Variants in NRG1 observed in about 807,000 individuals in gnomAD.
NRG1 encodes pro-neuregulin-1, membrane-bound isoform.
NRG1 carries 18 observed loss-of-function variants against 63.8 expected under a neutral mutation model. That is an observed-to-expected ratio of 0.28 (90% CI 0.19 to 0.42). The LOEUF (loss-of-function observed/expected upper bound fraction) is 0.42, where lower values mean the gene tolerates loss of function less well. Among genes scored for constraint, NRG1 ranks in the 10% least tolerant of loss-of-function variants. The pLI is 1.00. For missense variants in NRG1, 762 were observed against 814.7 expected (o/e 0.94, Z 0.79); for synonymous variants, 302 against 301.3 (o/e 1.00, Z -0.02).
chr8:31,938,779 C>G (rs1011822169), intron 1 of NRG1, among the ~76,000 whole-genome samples: 1 of 152,162 alleles, frequency 6.6e-6, no homozygotes, highest in Admixed American at 6.5e-5. Flanking sequence ...TGGAAAGTCT[C>G]AGCCATAGAA....
At chr8:31,771,759 G>C (rs1818648457) in intron 1 of NRG1, among the ~76,000 whole-genome samples, 1 of 152,166 alleles carries the variant, frequency 6.6e-6, no homozygotes, top group South Asian at 2.1e-4. Context: ...GAGTGCCAGA[G>C]CCAATCTTCT....
intron 1 of NRG1, chr8:32,063,465 A>C (rs1563742118): frequency 6.6e-6 from 1 of 152,162 alleles, no homozygotes; most frequent in Non-Finnish European, 1.5e-5. Context: ...GTGTGAATGA[A>C]AGTGGGGAGA....
chr8:31,704,610 A>C (rs1446662942), intron 1 of NRG1, among the ~76,000 whole-genome samples: 3 of 152,076 alleles, frequency 2.0e-5, no homozygotes, highest in African/African-American at 7.2e-5. Flanking sequence ...AGGCAGGCGG[A>C]TCATGAGGTC....
intron 5 of NRG1, chr8:32,646,894 T>G (rs79889381): frequency 7.2e-6 from 7 of 975,238 alleles, no homozygotes; most frequent in Middle Eastern, 5.3e-4. Flanking sequence ...GGAGTGGGGG[T>G]TGGGAGAGGG....
At chr8:32,516,587 T>C (rs1039371667) in intron 1 of NRG1, among the ~76,000 whole-genome samples, 1 of 152,216 alleles carries the variant, frequency 6.6e-6, no homozygotes, top group Non-Finnish European at 1.5e-5. Flanking sequence ...TTTGCTTGTG[T>C]CATCTGTTTG....
Position 32,012,709 on chromosome 8 carries a change from A to G in NRG1, c.37+373278A>G, listed in dbSNP as rs377454997. Among the ~76,000 whole-genome samples the G allele has an allele frequency of 8.3e-4, 127 of 152,266 alleles. 1 individual carries two copies. The highest frequency in any genetic ancestry group is 2.8e-3 in the African/African-American group (117 of 41,568). Reference sequence around the variant, plus strand: ...TGGAAAATTGGACTAAAAAAGAACCATACTTCAGAGTTGTTAACAGGATTA... The same window carrying G: ...TGGAAAATTGGACTAAAAAAGAACCGTACTTCAGAGTTGTTAACAGGATTA... On this transcript the variant is annotated intron_variant, in intron 1 of 10. Coordinates refer to the NRG1 transcript ENST00000519301.
rs571680988 is a variant in NRG1, at chr8:31,672,109, C to T, written c.37+32678C>T. The stretch of plus-strand genomic sequence containing the variant: ...CAGTTGTCAGTGTGAGAAATGTTTC[C>T]TATCTAGGTGTTTTTTCCTCCCTGT... On this transcript the variant is annotated intron_variant, in intron 1 of 10. Transcript: ENST00000519301. Among the ~76,000 whole-genome samples, 95 of 152,162 alleles carry T rather than the reference C, an allele frequency of 6.2e-4. 1 individual carries two copies. The highest frequency in any genetic ancestry group is 2.2e-3 in the African/African-American group (91 of 41,546).
intron 1 of NRG1, among the ~76,000 whole-genome samples, chr8:31,912,643 G>A (rs975202322): frequency 1.4e-5 from 2 of 143,208 alleles, no homozygotes; most frequent in African/African-American, 5.2e-5. Flanking sequence ...TTCAGGAGAT[G>A]TTCTTTGTAG....
At chr8:32,009,481 G>A (rs1814377722) in intron 1 of NRG1, among the ~76,000 whole-genome samples, 1 of 151,812 alleles carries the variant, frequency 6.6e-6, no homozygotes, top group South Asian at 2.1e-4. Flanking sequence ...TTCTAGTTGG[G>A]GGAGACATAA....
intron 1 of NRG1, among the ~76,000 whole-genome samples, chr8:32,486,627 A>AATTTTTTTTTTTTTTTT (rs71208187): frequency 6.9e-6 from 1 of 145,518 alleles, no homozygotes. Flanking sequence ...GAATTGCTGG[A>AATTTTTTTTTTTTTTTT]TTTTTTTTTT....
rs140760625 is a variant in NRG1, at chr8:32,380,575, C to G, written c.38-215253C>G. Among the ~76,000 whole-genome samples, 54 of 152,214 alleles carry G rather than the reference C, an allele frequency of 3.5e-4. 1 individual carries two copies. The East Asian group carries it at 9.3e-3, about 26-fold the overall frequency. On this transcript the variant is annotated intron_variant, in intron 1 of 10. Coordinates refer to the NRG1 transcript ENST00000519301. Reference sequence around the variant, plus strand: ...TAATAAAACAGAGTCCTAGATTTCTCTCCTCCAATCCTGGTCCACCTCCCC... The same window carrying G: ...TAATAAAACAGAGTCCTAGATTTCTGTCCTCCAATCCTGGTCCACCTCCCC...
At chr8:32,740,007 T>C (rs1269396085) in intron 6 of NRG1, among the ~76,000 whole-genome samples, 1 of 152,182 alleles carries the variant, frequency 6.6e-6, no homozygotes, top group African/African-American at 2.4e-5. Flanking sequence ...GGTTTGTCTA[T>C]ATGAACTTAT....
At chr8:31,999,522 T>C (rs1451536913) in intron 1 of NRG1, among the ~76,000 whole-genome samples, 1 of 151,980 alleles carries the variant, frequency 6.6e-6, no homozygotes, top group Admixed American at 6.6e-5. Context: ...GCATTCACCC[T>C]CGCGGAATTT....
At chr8:31,670,571 GTT>G (rs35693427) in intron 1 of NRG1, among the ~76,000 whole-genome samples, 1 of 146,164 alleles carries the variant, frequency 6.8e-6, no homozygotes, top group Admixed American at 6.8e-5. Flanking sequence ...CATTCTCTTT[GTT>G]TTTTTTTTTG....
At chr8:32,723,422 C>T (rs893538285) in intron 5 of NRG1, among the ~76,000 whole-genome samples, 1 of 151,984 alleles carries the variant, frequency 6.6e-6, no homozygotes, top group Non-Finnish European at 1.5e-5. Flanking sequence ...TGGCTCACGC[C>T]TGTAATCCCA....
intron 1 of NRG1, among the ~76,000 whole-genome samples, chr8:31,857,333 G>A (rs897725974): frequency 2.0e-5 from 3 of 151,384 alleles, no homozygotes; most frequent in Non-Finnish European, 3.0e-5. Context: ...TTTTTAAGCC[G>A]GTTGGAAAAG....
At position 32,537,148 on chromosome 8, in the gene NRG1, A is replaced by G. The variant is rs532391832; in HGVS notation, c.38-58680A>G. On this transcript the variant is annotated intron_variant, in intron 1 of 10. Coordinates refer to the NRG1 transcript ENST00000519301. ...GAGGTGGAGGTTGCAGTGATCCCAG[A>G]TCGCGCCACTGCATTCCATCCTCAG... Among the ~76,000 whole-genome samples the G allele has an allele frequency of 2.9e-4, 37 of 127,950 alleles. No homozygotes were observed. In the South Asian group the frequency reaches 4.8e-3, roughly 17 times the overall value. 83.9% of individuals were successfully genotyped at this position (127,950 alleles called of 152,430 possible).
intron 1 of NRG1, among the ~76,000 whole-genome samples, chr8:31,691,594 C>CAAAAAAAAA (rs71208138): frequency 2.9e-5 from 1 of 34,992 alleles, no homozygotes; most frequent in African/African-American, 1.5e-4. Context: ...GACTCTGTCT[C>CAAAAAAAAA]AAAAAAAAAA....
intron 1 of NRG1, among the ~76,000 whole-genome samples, chr8:32,133,304 G>C (rs1196439102): frequency 6.6e-6 from 1 of 152,084 alleles, no homozygotes; most frequent in Non-Finnish European, 1.5e-5. Context: ...TTTAGAAAAA[G>C]TGGGTATGGA....
Sources: allele counts gnomAD v4.1 joint callset (sites outside exome capture counted in the v4.1 genomes callset), GRCh38; gene constraint gnomAD v4.1.1; transcripts MANE v1.5; gene names NCBI Gene and HGNC (gene_info 2026-07-23, HGNC 2026-07-21).